Variants in KCNIP4 observed in about 807,000 individuals in gnomAD.
KCNIP4 encodes the protein Kv channel-interacting protein 4.
KCNIP4 carries 12 observed loss-of-function variants against 34.0 expected under a neutral mutation model. That is an observed-to-expected ratio of 0.35 (90% CI 0.23 to 0.57). The LOEUF is 0.57. Among genes scored for constraint, KCNIP4 ranks in the 20% least tolerant of loss-of-function variants. The pLI, the probability that KCNIP4 is intolerant of heterozygous loss-of-function variation, is 0.83. For synonymous variants in KCNIP4, 124 were observed against 102.2 expected (o/e 1.21, Z -1.29); for missense variants, 238 against 311.7 (o/e 0.76, Z 1.78).
chr4:21,737,894 C>T (rs865929763), intron 1 of KCNIP4, among the ~76,000 whole-genome samples: 1 of 151,576 alleles, frequency 6.6e-6, no homozygotes, highest in South Asian at 2.1e-4. Context: ...ACCATCCTGG[C>T]TAATATGGTG....
At chr4:21,529,293 G>T (rs1245284848) in intron 1 of KCNIP4, among the ~76,000 whole-genome samples, 1 of 152,128 alleles carries the variant, frequency 6.6e-6, no homozygotes, top group Non-Finnish European at 1.5e-5. Flanking sequence ...AACTGCAGAA[G>T]AGGAGAAAGG....
chr4:20,980,112 T>C (rs1267890235), intron 1 of KCNIP4, among the ~76,000 whole-genome samples: 4 of 152,250 alleles, frequency 2.6e-5, no homozygotes, highest in African/African-American at 9.6e-5. Flanking sequence ...TGAACCTTTC[T>C]ACCTGTGCTT....
intron 1 of KCNIP4, among the ~76,000 whole-genome samples, chr4:21,404,772 G>C (rs906141579): frequency 2.0e-5 from 3 of 152,092 alleles, no homozygotes; most frequent in African/African-American, 7.2e-5. Context: ...CTGGAATGAT[G>C]GTTAAATATT....
intron 3 of KCNIP4, among the ~76,000 whole-genome samples, chr4:20,771,336 T>G (rs1171737807): frequency 6.6e-6 from 1 of 152,244 alleles, no homozygotes; most frequent in African/African-American, 2.4e-5. Flanking sequence ...TCATTTAGAC[T>G]ATGATTTCTG....
chr4:20,989,636 G>A (rs1025638884), intron 1 of KCNIP4, among the ~76,000 whole-genome samples: 2 of 152,150 alleles, frequency 1.3e-5, no homozygotes, highest in Admixed American at 1.3e-4. Flanking sequence ...AGTTTGGAGA[G>A]GAGCAGTGAC....
intron 3 of KCNIP4, among the ~76,000 whole-genome samples, chr4:20,774,366 C>G (rs1026408195): frequency 1.3e-5 from 2 of 152,072 alleles, no homozygotes; most frequent in African/African-American, 4.8e-5. Flanking sequence ...TAGAATCTAA[C>G]AGCCCCTTCC....
chr4:21,568,853 C>T (rs1740128667), intron 1 of KCNIP4, among the ~76,000 whole-genome samples: 1 of 152,076 alleles, frequency 6.6e-6, no homozygotes, highest in Non-Finnish European at 1.5e-5. Flanking sequence ...ATAAAATCCT[C>T]TTCATATATT....
intron 1 of KCNIP4, among the ~76,000 whole-genome samples, chr4:21,203,538 G>T (rs534231578): frequency 1.3e-5 from 2 of 152,256 alleles, no homozygotes; most frequent in African/African-American, 4.8e-5. Context: ...TTTCTTTTCT[G>T]ACTGGGTAGA....
chr4:21,688,173 T>C (rs1577847623), intron 1 of KCNIP4, among the ~76,000 whole-genome samples: 2 of 152,312 alleles, frequency 1.3e-5, no homozygotes, highest in Admixed American at 6.5e-5. Context: ...TGGGTACAGC[T>C]GGTTAATTAA....
chr4:21,365,785 G>A (rs948922820), intron 1 of KCNIP4, among the ~76,000 whole-genome samples: 2 of 152,118 alleles, frequency 1.3e-5, no homozygotes, highest in Non-Finnish European at 2.9e-5. Flanking sequence ...CCTGAGATCA[G>A]GATGATATGT....
At chr4:21,225,093 T>C (rs1032696732) in intron 1 of KCNIP4, among the ~76,000 whole-genome samples, 3 of 152,180 alleles carry the variant, frequency 2.0e-5, no homozygotes, top group African/African-American at 7.2e-5. Flanking sequence ...GCAAAGTGCA[T>C]TAAATGCATT....
intron 1 of KCNIP4, among the ~76,000 whole-genome samples, chr4:21,197,852 G>A (rs767083219): frequency 6.6e-6 from 1 of 152,074 alleles, no homozygotes; most frequent in Admixed American, 6.6e-5. Context: ...GCTTAACTTT[G>A]GACTCAGTTA....
At position 21,610,233 on chromosome 4, in the gene KCNIP4, T is replaced by C. The variant is rs183116763; in HGVS notation, c.61+338338A>G. ...TTTATTTTCACACAGTTCTGGAGGC[T>C]AGACATCCAAAATCAAGATGTCAGT... On this transcript the variant is annotated intron_variant, in intron 1 of 8. Transcript: ENST00000382152. Among the ~76,000 whole-genome samples the C allele has an allele frequency of 5.4e-4, 83 of 152,354 alleles. 1 individual carries two copies. The highest frequency in any genetic ancestry group is 4.4e-4 in the Non-Finnish European group (30 of 68,026).
At chr4:20,818,439 A>G (rs1477246072) in intron 3 of KCNIP4, among the ~76,000 whole-genome samples, 3 of 152,218 alleles carry the variant, frequency 2.0e-5, no homozygotes, top group Non-Finnish European at 4.4e-5. Flanking sequence ...AGCCCTTTTC[A>G]GAAGCAGCCG....
At chr4:21,365,526 A>AAATAAAT (rs1560332458) in intron 1 of KCNIP4, among the ~76,000 whole-genome samples, 12 of 20,336 alleles carry the variant, frequency 5.9e-4, no homozygotes, top group Non-Finnish European at 1.1e-3. Context: ...AATAAATAAA[A>AAATAAAT]AATAAAGAAA....
intron 1 of KCNIP4, among the ~76,000 whole-genome samples, chr4:20,937,174 C>A (rs750765327): frequency 2.1e-5 from 3 of 146,016 alleles, no homozygotes; most frequent in Non-Finnish European, 4.5e-5. Context: ...GCTGCATAAT[C>A]TCATAAACAC....
At chr4:21,209,728 C>G (rs570089304) in intron 1 of KCNIP4, among the ~76,000 whole-genome samples, 4 of 151,836 alleles carry the variant, frequency 2.6e-5, no homozygotes, top group Non-Finnish European at 5.9e-5. Context: ...TTCTTTTTAT[C>G]CCTATCAGTG....
At chr4:20,819,807 C>G (rs1029988668) in intron 3 of KCNIP4, among the ~76,000 whole-genome samples, 1 of 152,182 alleles carries the variant, frequency 6.6e-6, no homozygotes, top group Non-Finnish European at 1.5e-5. Context: ...GCATTCATCC[C>G]TTCTGGAGGA....
intron 1 of KCNIP4, among the ~76,000 whole-genome samples, chr4:21,173,127 T>C (rs1039176145): frequency 7.9e-5 from 12 of 152,156 alleles, no homozygotes; most frequent in Non-Finnish European, 1.6e-4. Flanking sequence ...ATCTGATTGA[T>C]GGAGGCTTAG....
Sources: allele counts gnomAD v4.1 joint callset (sites outside exome capture counted in the v4.1 genomes callset), GRCh38; gene constraint gnomAD v4.1.1; transcripts MANE v1.5; gene names NCBI Gene and HGNC (gene_info 2026-07-23, HGNC 2026-07-21).